Variants in PACRG observed in about 807,000 individuals in gnomAD.
PACRG encodes the protein parkin coregulated.
PACRG carries 29 observed loss-of-function variants against 29.7 expected under a neutral mutation model. The ratio of observed to expected loss-of-function variants is 0.98; its 90% confidence interval spans 0.73 to 1.33. The LOEUF (loss-of-function observed/expected upper bound fraction) is 1.33. PACRG is among the 40% of genes most tolerant of loss of function. The pLI, the probability that PACRG is intolerant of heterozygous loss-of-function variation, is 0.00. For missense variants in PACRG, 279 were observed against 316.2 expected (o/e 0.88, Z 0.89); for synonymous variants, 116 against 118.7 (o/e 0.98, Z 0.15).
At chr6:163,310,102 C>A (rs1313653762) in intron 4 of PACRG, 2 of 152,138 alleles carry the variant, frequency 1.3e-5, no homozygotes, top group African/African-American at 4.8e-5. Flanking sequence ...TATATATTTA[C>A]CATTTAACAG....
At chr6:163,233,117 T>C (rs1413791460) in intron 4 of PACRG, among the ~76,000 whole-genome samples, 1 of 152,246 alleles carries the variant, frequency 6.6e-6, no homozygotes, top group African/African-American at 2.4e-5. Flanking sequence ...CAGGAATTTG[T>C]CCCCCAAGAA....
intron 4 of PACRG, among the ~76,000 whole-genome samples, chr6:163,240,808 A>G (rs1782474309): frequency 6.6e-6 from 1 of 152,166 alleles, no homozygotes. Context: ...AGCTCTGCCC[A>G]TGTTTGCCCG....
chr6:163,014,159 A>G (rs562642441), intron 2 of PACRG, among the ~76,000 whole-genome samples: 1 of 152,336 alleles, frequency 6.6e-6, no homozygotes. Context: ...CTCCAGCTGC[A>G]TAGATGTTGC....
chr6:163,279,739 A>AT (rs372892090), intron 4 of PACRG, among the ~76,000 whole-genome samples: 2 of 152,000 alleles, frequency 1.3e-5, no homozygotes, highest in Admixed American at 6.6e-5. Flanking sequence ...TCTTTCCTGT[A>AT]TTTTTTTCTT....
intron 2 of PACRG, among the ~76,000 whole-genome samples, chr6:163,007,113 G>A (rs1805187112): frequency 6.6e-6 from 1 of 151,820 alleles, no homozygotes; most frequent in Non-Finnish European, 1.5e-5. Context: ...CTTAAAGTTT[G>A]CAGCACATAT....
chr6:162,881,867 C>G (rs1291836873), intron 2 of PACRG, among the ~76,000 whole-genome samples: 1 of 145,076 alleles, frequency 6.9e-6, no homozygotes, highest in Non-Finnish European at 1.5e-5. Flanking sequence ...AGACCAGAGA[C>G]CAGGGGGCGC....
intron 2 of PACRG, among the ~76,000 whole-genome samples, chr6:163,034,735 C>A (rs1430076472): frequency 6.6e-6 from 1 of 152,130 alleles, no homozygotes; most frequent in East Asian, 1.9e-4. Flanking sequence ...ACCTAGTTAG[C>A]CTTTGGGTCC....
chr6:162,749,320 G>C (rs1781336577), intron 1 of PACRG, among the ~76,000 whole-genome samples: 1 of 152,144 alleles, frequency 6.6e-6, no homozygotes, highest in Non-Finnish European at 1.5e-5. Context: ...AAGAAGGTGA[G>C]AGGATCAAAA....
intron 4 of PACRG, among the ~76,000 whole-genome samples, chr6:163,244,604 A>G (rs1782624839): frequency 6.6e-6 from 1 of 152,188 alleles, no homozygotes; most frequent in Non-Finnish European, 1.5e-5. Flanking sequence ...GCTGAACTCA[A>G]GCCCCGGAGA....
intron 2 of PACRG, among the ~76,000 whole-genome samples, chr6:162,886,331 C>T (rs552939297): frequency 6.6e-6 from 1 of 152,296 alleles, no homozygotes; most frequent in African/African-American, 2.4e-5. Flanking sequence ...CCTTCTCCTC[C>T]TTGGCCTTCT....
At chr6:163,309,679 A>G (rs111636286) in intron 4 of PACRG, among the ~76,000 whole-genome samples, 4 of 152,010 alleles carry the variant, frequency 2.6e-5, no homozygotes, top group African/African-American at 7.2e-5. Flanking sequence ...TTCCTGGGAG[A>G]ATGTTTGGTT....
chr6:163,115,458 G>A (rs1297590824), intron 4 of PACRG, among the ~76,000 whole-genome samples: 6 of 152,106 alleles, frequency 3.9e-5, no homozygotes, highest in Admixed American at 3.3e-4. Flanking sequence ...AAGAGTGATG[G>A]ATTCTAAATT....
chr6:162,871,956 A>C (rs1445979487), intron 2 of PACRG, among the ~76,000 whole-genome samples: 1 of 152,172 alleles, frequency 6.6e-6, no homozygotes, highest in African/African-American at 2.4e-5. Flanking sequence ...AACAAAAAAA[A>C]ACAAAAGACT....
At chr6:163,273,703 C>T (rs896685699) in intron 4 of PACRG, among the ~76,000 whole-genome samples, 2 of 152,020 alleles carry the variant, frequency 1.3e-5, no homozygotes. Context: ...TGCAAGTTCT[C>T]CATTTTTTTT....
At chr6:162,761,357 C>A (rs1045988064) in intron 1 of PACRG, among the ~76,000 whole-genome samples, 3 of 152,084 alleles carry the variant, frequency 2.0e-5, no homozygotes, top group African/African-American at 7.2e-5. Context: ...AATTATATTT[C>A]TTTTTTATTT....
intron 1 of PACRG, among the ~76,000 whole-genome samples, chr6:162,771,494 G>A (rs1481061965): frequency 6.6e-6 from 1 of 152,142 alleles, no homozygotes. Context: ...AGTGGAAGGC[G>A]GGAGTGGAGG....
At chr6:163,280,887 T>G (rs1784204285) in intron 4 of PACRG, among the ~76,000 whole-genome samples, 1 of 152,152 alleles carries the variant, frequency 6.6e-6, no homozygotes, top group Non-Finnish European at 1.5e-5. Context: ...CATATGAATT[T>G]GGGGAACACA....
chr6:162,973,694 A>C (rs1161838404), intron 2 of PACRG, among the ~76,000 whole-genome samples: 1 of 152,144 alleles, frequency 6.6e-6, no homozygotes, highest in Non-Finnish European at 1.5e-5. Flanking sequence ...GTTTCAATAA[A>C]GAAGAACTAA....
chr6:163,263,394 CT>C (rs905590719), intron 4 of PACRG, among the ~76,000 whole-genome samples: 6 of 152,140 alleles, frequency 3.9e-5, no homozygotes, highest in African/African-American at 1.4e-4. Flanking sequence ...GCCGCAGCCT[CT>C]GTGTTTCTGT....
Sources: gnomAD v4.1 joint callset for allele counts (sites outside exome capture counted in the v4.1 genomes callset) on GRCh38, gnomAD v4.1.1 for gene constraint, MANE v1.5 for transcripts, NCBI Gene and HGNC (gene_info 2026-07-23, HGNC 2026-07-21) for gene names.